The following SASH1 variants were observed in gnomAD, a reference collection of about 807,000 sequenced individuals.
SASH1 encodes the protein SAM and SH3 domain-containing protein 1.
A neutral mutation model predicts 125.2 loss-of-function variants in SASH1; 44 were observed. The ratio of observed to expected loss-of-function variants is 0.35; its 90% CI spans 0.28 to 0.45. The LOEUF (loss-of-function observed/expected upper bound fraction) is 0.45. Ranked by LOEUF, SASH1 falls within the 20% of genes least tolerant of loss-of-function variation. SASH1 has a pLI of 1.00. For synonymous variants in SASH1, 639 were observed against 649.1 expected, an observed-to-expected ratio of 0.98 and a Z score of 0.24; for missense variants, 1,426 against 1,614.5, an observed-to-expected ratio of 0.88 and a Z score of 2.00.
chr6:148,444,437 C>T (rs1036177301), intron 4 of SASH1, among the ~76,000 whole-genome samples: 2 of 152,118 alleles, frequency 1.3e-5, no homozygotes, highest in African/African-American at 4.8e-5. Flanking sequence ...CCAAGTGGGG[C>T]TGCTGACCTC....
chr6:148,420,793 A>G (rs1044183417), intron 2 of SASH1, among the ~76,000 whole-genome samples: 3 of 152,076 alleles, frequency 2.0e-5, no homozygotes, highest in African/African-American at 7.2e-5. Context: ...TATGATAGAA[A>G]TAAGTGGCTG....
intron 1 of SASH1, among the ~76,000 whole-genome samples, chr6:148,349,248 C>CTT (rs1781627053): frequency 2.3e-4 from 15 of 66,250 alleles, no homozygotes; most frequent in East Asian, 1.9e-3. Flanking sequence ...TTTCTTCTTT[C>CTT]TTTCTTTTTT....
chr6:148,224,313 G>A, the SASH1 span, among the ~76,000 whole-genome samples: 3 of 150,236 alleles, frequency 2.0e-5, no homozygotes, highest in Admixed American at 6.6e-5. Context: ...AAAGCCTTAT[G>A]TGTTTAGGTT....
At chr6:148,461,126 TA>T (rs1777595430) in intron 4 of SASH1, among the ~76,000 whole-genome samples, 1 of 152,184 alleles carries the variant, frequency 6.6e-6, no homozygotes, top group African/African-American at 2.4e-5. Context: ...AACAGTCCAT[TA>T]AGGGGTACTG....
chr6:148,464,258 G>A lies in SASH1; in HGVS notation c.387-4287G>A, dbSNP rs998663862. Among the ~76,000 whole-genome samples, 3 of 152,290 alleles carry A rather than the reference G, an allele frequency of 2.0e-5. No individual in the cohort carries two copies. In the South Asian group the frequency reaches 6.2e-4, roughly 32 times the overall value. On this transcript the variant is annotated intron_variant, in intron 4 of 19. Transcript: ENST00000367467. Reference sequence around the variant, plus strand: ...GATAGATTTGGGGTCTTAATAGTAGGAGTTATTGATGAACAAATATTTGCT... The same window carrying A: ...GATAGATTTGGGGTCTTAATAGTAGAAGTTATTGATGAACAAATATTTGCT...
chr6:148,275,558 A>C (rs1000893427), intron 1 of SASH1, among the ~76,000 whole-genome samples: 3 of 152,130 alleles, frequency 2.0e-5, no homozygotes, highest in Non-Finnish European at 4.4e-5. Context: ...CCCTCTAAGA[A>C]AATTTTGCAG....
intron 1 of SASH1, among the ~76,000 whole-genome samples, chr6:148,315,129 ACT>A (rs1562320529): frequency 6.6e-6 from 1 of 152,192 alleles, no homozygotes; most frequent in Non-Finnish European, 1.5e-5. Flanking sequence ...ACTATTTATT[ACT>A]GTTATTAAAT....
At chr6:148,434,864 A>G (rs2114988286) in intron 2 of SASH1, among the ~76,000 whole-genome samples, 1 of 152,262 alleles carries the variant, frequency 6.6e-6, no homozygotes, top group East Asian at 1.9e-4. Flanking sequence ...TCTGCGTAGA[A>G]TATGCTTTTT....
intron 7 of SASH1, among the ~76,000 whole-genome samples, chr6:148,477,432 A>C (rs1778412460): frequency 6.6e-6 from 1 of 152,224 alleles, no homozygotes; most frequent in Admixed American, 6.5e-5. Flanking sequence ...TCTCAGAAGA[A>C]GACAAAGGGA....
Position 148,473,502 on chromosome 6 carries a change from C to T in SASH1, c.515-608C>T, listed in dbSNP as rs149132497. 5.7e-3 allele frequency among the ~76,000 whole-genome samples: 864 copies of T among 152,278 alleles called. 1 individual carries two copies. The highest frequency in any genetic ancestry group is 0.01 in the Middle Eastern group (3 of 294). ...CTCCTAACCTCAAGTGATCCACCTG[C>T]CTTGGCCTCCCAAAGTGCTGGGATT... On this transcript the variant is annotated intron_variant, in intron 6 of 19. Coordinates refer to ENST00000367467, the MANE Select transcript of SASH1 (RefSeq NM_015278.5).
At chr6:148,412,230 T>C (rs1253269708) in intron 2 of SASH1, among the ~76,000 whole-genome samples, 2 of 152,218 alleles carry the variant, frequency 1.3e-5, no homozygotes, top group Non-Finnish European at 2.9e-5. Context: ...GAAATCACTT[T>C]TATTTTTATT....
At chr6:148,484,835 C>T (rs1778775195) in intron 7 of SASH1, among the ~76,000 whole-genome samples, 1 of 151,956 alleles carries the variant, frequency 6.6e-6, no homozygotes. Context: ...CCCAGCTACT[C>T]GGGAGGCTGA....
the SASH1 span, among the ~76,000 whole-genome samples, chr6:148,217,380 T>G: frequency 6.6e-6 from 1 of 152,220 alleles, no homozygotes; most frequent in Non-Finnish European, 1.5e-5. Context: ...TGCTGCGTAC[T>G]TGCTGAGTGA....
rs1463087363 is a variant in SASH1, at chr6:148,532,782, A to G, written c.1565-15A>G. ...ATCTGGATCTACCCGTGTTCTTCCT[A>G]TGTTTCCTGTACAGGCGGTCAAACA... On this transcript the variant is annotated splice_polypyrimidine_tract_variant and intron_variant, in intron 13 of 19. Transcript: ENST00000367467. This position sits in a 1 kb window ranked among gnomAD's most constrained non-coding sequence, Gnocchi z 4.7. The G allele has an allele frequency of 3.1e-6, 5 of 1,613,706 alleles. No homozygotes were observed. Among genetic ancestry groups the G allele is most frequent in the African/African-American group, 1.3e-5 (1 of 75,000 alleles).
At chr6:148,489,112 T>G (rs1778994655) in intron 8 of SASH1, among the ~76,000 whole-genome samples, 3 of 152,230 alleles carry the variant, frequency 2.0e-5, no homozygotes, top group Admixed American at 2.0e-4. Context: ...CCTTTAAGTT[T>G]AGGTTTTTGA....
chr6:148,371,269 C>G (rs1782690435), intron 1 of SASH1, among the ~76,000 whole-genome samples: 3 of 151,880 alleles, frequency 2.0e-5, no homozygotes, highest in African/African-American at 4.8e-5. Flanking sequence ...CTATGGAGCA[C>G]CTAGTTGGCT....
At chr6:148,413,808 CCTT>C (rs2114917795) in intron 2 of SASH1, among the ~76,000 whole-genome samples, 1 of 152,258 alleles carries the variant, frequency 6.6e-6, no homozygotes, top group South Asian at 2.1e-4. Flanking sequence ...CCGGGCCTCT[CCTT>C]CTGCTCCCCT....
At chr6:148,215,854 T>TTTTA in the SASH1 span, among the ~76,000 whole-genome samples, 1 of 151,898 alleles carries the variant, frequency 6.6e-6, no homozygotes, top group African/African-American at 2.4e-5. Context: ...TATTTATTTA[T>TTTTA]TTTATTTATT....
At chr6:148,229,445 G>C in the SASH1 span, among the ~76,000 whole-genome samples, 6 of 151,838 alleles carry the variant, frequency 4.0e-5, no homozygotes, top group Non-Finnish European at 2.9e-5. Context: ...AGGAAGTGGA[G>C]GTGTAACAAT....
Sources: allele counts gnomAD v4.1 joint callset (sites outside exome capture counted in the v4.1 genomes callset), GRCh38; gene constraint gnomAD v4.1.1; non-coding constraint Gnocchi (gnomAD v3.1); transcripts MANE v1.5; gene names NCBI Gene and HGNC (gene_info 2026-07-23, HGNC 2026-07-21).